PSMB1: variants seen among roughly 807,000 people sequenced by gnomAD.
The protein encoded by PSMB1 is proteasome subunit beta type-1.
PSMB1 carries 7 observed loss-of-function variants against 25.4 expected under a neutral mutation model. That is an observed-to-expected ratio of 0.28 (90% confidence interval 0.16 to 0.52). PSMB1 has a LOEUF of 0.52. Among genes scored for constraint, PSMB1 ranks in the 20% least tolerant of loss-of-function variants. PSMB1 has a pLI of 0.97. For missense variants in PSMB1, 284 were observed against 302.2 expected (o/e 0.94, Z 0.45); for synonymous variants, 119 against 115.0 (o/e 1.03, Z -0.22).
chr6:170,536,225 C>A, intron 5 of PSMB1: 1 of 341,544 alleles, frequency 2.9e-6, no homozygotes, highest in Non-Finnish European at 5.8e-6. Flanking sequence ...CTAAAAATAC[C>A]TTAAAAATTA....
chr6:170,542,264 G>A (rs756517), intron 4 of PSMB1, among the ~76,000 whole-genome samples: 5 of 152,232 alleles, frequency 3.3e-5, no homozygotes, highest in East Asian at 1.9e-4. Context: ...GATAGCGCAC[G>A]CAAAGAAAAC....
chr6:170,549,252 G>A, intron 1 of PSMB1, 139 bp from the exon 2 acceptor site: 1 of 503,938 alleles, frequency 2.0e-6, no homozygotes, highest in Non-Finnish European at 3.5e-6. Flanking sequence ...GAGGAAAGAT[G>A]AGCGGGAAGA....
At chr6:170,550,130 T>C (rs1583117657) in intron 1 of PSMB1, 1 of 152,344 alleles carries the variant, frequency 6.6e-6, no homozygotes, top group East Asian at 1.9e-4. Flanking sequence ...ATTAAAGGCA[T>C]GGTGCCTCAC....
chr6:170,537,409 T>G, intron 4 of PSMB1, 69 bp from the exon 5 acceptor site: 4 of 1,302,040 alleles, frequency 3.1e-6, no homozygotes, highest in Non-Finnish European at 4.4e-6. Flanking sequence ...CAAAAATAAA[T>G]CAGGTCAAAA....
Position 170,537,236 on chromosome 6 carries a change from G to T in PSMB1, c.538C>A (p.Gln180Lys), listed in dbSNP as rs764247939. 2 of 1,611,910 alleles carry T rather than the reference G, an allele frequency of 1.2e-6. No homozygotes were observed. The highest frequency in any genetic ancestry group is 1.7e-6 in the Non-Finnish European group (2 of 1,178,212). Reference sequence around the variant, plus strand: ...TTACCTGGACACAGTATCATTACCTGGTTGTCAAGCAGGGGCTGTAGCATG... The same window carrying T: ...TTACCTGGACACAGTATCATTACCTTGTTGTCAAGCAGGGGCTGTAGCATG... ...SAMLQPLLDN[Q>K]VGFKNMQNVE... The change falls in exon 5 of 6, where the codon CAG becomes AAG. Residue 180 changes from glutamine to lysine, a missense_variant and splice_region_variant. Gln to Lys is a moderately conservative substitution (Grantham distance 53). Coordinates refer to ENST00000262193, the MANE Select transcript of PSMB1 (RefSeq NM_002793.4).
At chr6:170,537,793 C>T (rs544489409) in intron 4 of PSMB1, among the ~76,000 whole-genome samples, 5 of 152,228 alleles carry the variant, frequency 3.3e-5, no homozygotes, top group Admixed American at 2.6e-4. Context: ...GGTAAGGACC[C>T]GTAAGAGAGT....
At chr6:170,547,438 A>G (rs998342077) in intron 2 of PSMB1, among the ~76,000 whole-genome samples, 1 of 152,216 alleles carries the variant, frequency 6.6e-6, no homozygotes, top group Non-Finnish European at 1.5e-5. Context: ...AAAGAAACCT[A>G]AACAATATTT....
At chr6:170,535,813 A>G (rs1778682663) in intron 5 of PSMB1, among the ~76,000 whole-genome samples, 1 of 152,228 alleles carries the variant, frequency 6.6e-6, no homozygotes. Context: ...AGCACAGAAC[A>G]TTCCAGACTG....
At chr6:170,536,096 C>A (rs1271382272) in intron 5 of PSMB1, among the ~76,000 whole-genome samples, 1 of 152,118 alleles carries the variant, frequency 6.6e-6, no homozygotes, top group African/African-American at 2.4e-5. Flanking sequence ...ATACAGGCGG[C>A]CTTTGAATAA....
At chr6:170,549,868 G>A (rs1304629220) in intron 1 of PSMB1, 1 of 152,174 alleles carries the variant, frequency 6.6e-6, no homozygotes, top group Non-Finnish European at 1.5e-5. Context: ...CATGTAACTG[G>A]TCCTCTAGTA....
intron 5 of PSMB1, 137 bp from the exon 6 acceptor site, chr6:170,535,542 T>G (rs1183870335): frequency 2.6e-6 from 2 of 762,842 alleles, no homozygotes; most frequent in Non-Finnish European, 4.1e-6. Flanking sequence ...TCCTTCAGAC[T>G]GAATAAAGAC....
chr6:170,551,658 CTTAA>C (rs1487486376), intron 1 of PSMB1, among the ~76,000 whole-genome samples: 1 of 152,162 alleles, frequency 6.6e-6, no homozygotes, highest in Non-Finnish European at 1.5e-5. Context: ...CAATATACAA[CTTAA>C]TTAGTCATCA....
At chr6:170,547,647 G>A (rs1417278708) in intron 2 of PSMB1, among the ~76,000 whole-genome samples, 1 of 152,146 alleles carries the variant, frequency 6.6e-6, no homozygotes, top group Non-Finnish European at 1.5e-5. Flanking sequence ...AAGATTGGTT[G>A]ACAATACCAA....
At chr6:170,537,885 A>G (rs1778714064) in intron 4 of PSMB1, among the ~76,000 whole-genome samples, 1 of 152,178 alleles carries the variant, frequency 6.6e-6, no homozygotes. Context: ...GAAAGTCTTT[A>G]TTTCTTGGCT....
chr6:170,545,701 C>A (rs1211203894), intron 3 of PSMB1, among the ~76,000 whole-genome samples: 1 of 152,184 alleles, frequency 6.6e-6, no homozygotes, highest in Non-Finnish European at 1.5e-5. Context: ...ACTAAGAGCA[C>A]AGCACTGTAA....
intron 3 of PSMB1, among the ~76,000 whole-genome samples, chr6:170,544,598 C>T (rs6919159): frequency 0.54 from 81,890 of 151,854 alleles, 22,435 homozygotes; most frequent in East Asian, 0.79. Flanking sequence ...ACCTGTAATC[C>T]CAACTGAGGC....
intron 1 of PSMB1, among the ~76,000 whole-genome samples, chr6:170,552,683 A>G (rs1245825406): frequency 1.3e-5 from 2 of 152,236 alleles, no homozygotes; most frequent in African/African-American, 4.8e-5. Context: ...CTAACAACAC[A>G]GACCAAACAA....
At chr6:170,544,168 A>G (rs1233705968) in intron 3 of PSMB1, among the ~76,000 whole-genome samples, 1 of 152,138 alleles carries the variant, frequency 6.6e-6, no homozygotes, top group Non-Finnish European at 1.5e-5. Context: ...TCACTACAGA[A>G]GCAGATCAAA....
chr6:170,537,205 G>GT, intron 5 of PSMB1, 29 bp downstream of exon 5: 2 of 1,547,868 alleles, frequency 1.3e-6, no homozygotes, highest in Non-Finnish European at 1.8e-6. Context: ...GTTGGACATA[G>GT]TATCATTACC....
Sources: allele counts gnomAD v4.1 joint callset (sites outside exome capture counted in the v4.1 genomes callset), GRCh38; gene constraint gnomAD v4.1.1; transcripts MANE v1.5; gene names NCBI Gene and HGNC (gene_info 2026-07-23, HGNC 2026-07-21).